FGFBP2: variants seen among roughly 807,000 people sequenced by gnomAD.
FGFBP2 encodes the protein fibroblast growth factor-binding protein 2.
A neutral mutation model predicts 7.3 loss-of-function variants in FGFBP2; 7 were observed. That is an observed-to-expected ratio of 0.96 (90% CI 0.55 to 1.81). The LOEUF (loss-of-function observed/expected upper bound fraction) is 1.81. Ranked by LOEUF, FGFBP2 falls within the 40% of genes most tolerant of loss-of-function variation. The pLI is 0.00. For missense variants in FGFBP2, 291 were observed against 280.1 expected (o/e 1.04, Z -0.28); for synonymous variants, 131 against 110.2 (o/e 1.19, Z -1.18).
At position 15,963,155 on chromosome 4, in the gene FGFBP2, C is replaced by T; in HGVS notation, c.-26G>A. 6.4e-7 allele frequency: 1 copy of T among 1,559,380 alleles called. No individual in the cohort carries two copies. Among genetic ancestry groups the T allele is most frequent in the East Asian group, 2.3e-5 (1 of 44,396 alleles). ...GGCGATACTCCGATAAACTTGCTTG[C>T]AACTCTGCACCAGGAGAGAGAACAC... On this transcript the variant is annotated 5_prime_UTR_variant, in exon 1 of 2. Transcript: ENST00000259989.
Position 15,962,723 on chromosome 4 carries a change from C to T in FGFBP2, c.407G>A (p.Ser136Asn). ...MQQVTSSLKG[S>N]PEPNQQPEAG... ...CTCAGGCTGCTGGTTGGGCTCTGGG[C>T]TGCCCTTGAGGCTGGAAGTCACCTG... The change falls in exon 1 of 2, where the codon AGC (serine) becomes AAC (asparagine). Residue 136 changes from serine (S) to asparagine (N), a missense_variant. Physicochemically the swap from Ser to Asn is conservative, Grantham distance 46. Transcript: ENST00000259989. The T allele has an allele frequency of 1.2e-6, 2 of 1,613,672 alleles. No individual in the cohort carries two copies.
Sources: gnomAD v4.1 joint callset for allele counts on GRCh38, gnomAD v4.1.1 for gene constraint, MANE v1.5 for transcripts, NCBI Gene and HGNC (gene_info 2026-07-23, HGNC 2026-07-21) for gene names.